The following MYO1F variants were observed in gnomAD, a reference collection of about 807,000 sequenced individuals.
MYO1F encodes the protein unconventional myosin-If.
A neutral mutation model predicts 146.6 loss-of-function variants in MYO1F; 60 were observed. That is an observed-to-expected ratio of 0.41 (90% CI 0.33 to 0.51). The LOEUF (loss-of-function observed/expected upper bound fraction) is 0.51, where lower values mean the gene tolerates loss of function less well. Ranked by LOEUF, MYO1F falls within the 20% of genes least tolerant of loss-of-function variation. MYO1F has a pLI of 0.25. For missense variants in MYO1F, 1,274 were observed against 1,534.3 expected (o/e 0.83, Z 2.83); for synonymous variants, 602 against 602.1 (o/e 1.00, Z 0.00).
Position 8,536,956 on chromosome 19 carries a change from C to G in MYO1F, c.1792G>C (p.Glu598Gln), listed in dbSNP as rs369537745. 1.2e-6 allele frequency: 2 copies of G among 1,612,510 alleles called. No homozygotes were observed. The highest frequency in any genetic ancestry group is 1.1e-5 in the South Asian group (1 of 90,988). The change falls in exon 17 of 28, where the codon GAG (glutamate) becomes CAG (glutamine). Residue 598 changes from glutamate (E) to glutamine (Q), a missense_variant. Around this residue, in one of 2 missense-constraint regions of MYO1F, gnomAD observed 900 missense variants for 1,155.1 expected, o/e 0.78. Coordinates refer to ENST00000644032, the MANE Select transcript of MYO1F (RefSeq NM_012335.4). ...NETKRPRDWE[E>Q]NRVKHQVEYL... ...TTGGTTGGGGGGGATCACCTGTTCT[C>G]CTCCCAGTCTCGGGGCCTCTTGGTC...
At chr19:8,531,277 T>C (rs1187158448) in intron 19 of MYO1F, among the ~76,000 whole-genome samples, 3 of 151,036 alleles carry the variant, frequency 2.0e-5, no homozygotes, top group African/African-American at 7.3e-5. Context: ...AACCTGGGAG[T>C]TGGAGGTTGC....
Position 8,530,693 on chromosome 19 carries a change from GCTAATTTTTTTAA to G in MYO1F, c.2044-133_2044-121del, listed in dbSNP as rs1972451895. ...TTTGCTCACCCATCCCCACACATGT[GCTAATTTTTTTAA>G]GAGGCGGGGTCTTTCTAGTGACACT... is the stretch of plus-strand genomic sequence containing the variant. On this transcript the variant is annotated intron_variant, in intron 19 of 27. Transcript: ENST00000644032. This position sits in a 1 kb window ranked among gnomAD's most constrained non-coding sequence, Gnocchi z 5.8. 1.4e-5 allele frequency: 11 copies of G among 793,286 alleles called. No homozygotes were observed. The highest frequency in any genetic ancestry group is 2.3e-5 in the Non-Finnish European group (11 of 469,412). 49.1% of individuals were successfully genotyped at this position (793,286 alleles called of 1,614,324 possible).
At position 8,541,862 on chromosome 19, in the gene MYO1F, T is replaced by C. The variant is rs1048007368; in HGVS notation, c.1610+44A>G. 11 of 1,557,326 alleles carry C rather than the reference T, an allele frequency of 7.1e-6. No individual in the cohort carries two copies. In the Admixed American group the frequency reaches 8.3e-5, roughly 12 times the overall value. The stretch of plus-strand genomic sequence containing the variant: ...GGGGCCCGGTCCTCCCTCCATCCCC[T>C]TGGGGGGTTGTAGCCGGAGGTCCCC... On this transcript the variant is annotated intron_variant, in intron 15 of 27. Coordinates refer to ENST00000644032, the MANE Select transcript of MYO1F (RefSeq NM_012335.4).
At chr19:8,524,415 T>TTAAA (rs1972180790) in intron 25 of MYO1F, among the ~76,000 whole-genome samples, 1 of 73,144 alleles carries the variant, frequency 1.4e-5, no homozygotes, top group African/African-American at 9.9e-5. Context: ...AGACTCTGTC[T>TTAAA]CAAAAAAAAA....
intron 14 of MYO1F, chr19:8,544,036 CGGTGCTGGTGGTGGTGGTGG>C: frequency 7.4e-6 from 2 of 270,192 alleles, no homozygotes; most frequent in Non-Finnish European, 1.3e-5. Flanking sequence ...GTGGCGGTGG[CGGTGCTGGTGGTGGTGGTGG>C]TGGTGGTGGT....
Position 8,527,399 on chromosome 19 carries a change from G to T in MYO1F, c.2413C>A (p.Gln805Lys), listed in dbSNP as rs1292298106. ...EKVKKGPEKG[Q>K]VCEVLKKKVD... ...TTCTTCTTCAAGACTTCACACACCT[G>T]GCCCTTCTCAGGTCCCTTCTTCACT... Residue 805 changes from glutamine (Q) to lysine (K), a missense_variant, in exon 22 of 28, where the codon CAG (glutamine) becomes AAG (lysine). Transcript: ENST00000644032. 9 of 1,614,110 alleles carry T rather than the reference G, an allele frequency of 5.6e-6. No individual in the cohort carries two copies. Among genetic ancestry groups the T allele is most frequent in the Non-Finnish European group, 6.8e-6 (8 of 1,180,014 alleles).
At chr19:8,543,911 GGTGGTGGTGGTGGTGGTGGTGGTGGT>G (rs1973174946) in intron 14 of MYO1F, among the ~76,000 whole-genome samples, 3 of 123,300 alleles carry the variant, frequency 2.4e-5, no homozygotes, top group African/African-American at 1.1e-4. Flanking sequence ...TGGTGGTGGT[GGTGGTGGTGGTGGTGGTGGTGGTGGT>G]GCTGGTGGTG....
At chr19:8,523,841 C>T (rs1031151095) in intron 25 of MYO1F, among the ~76,000 whole-genome samples, 1 of 152,210 alleles carries the variant, frequency 6.6e-6, no homozygotes, top group African/African-American at 2.4e-5. Flanking sequence ...AATTTTTAGG[C>T]TAGGCGCGGT....
At chr19:8,547,864 A>C in intron 12 of MYO1F, 172 bp downstream of exon 12, 1 of 644,834 alleles carries the variant, frequency 1.6e-6, no homozygotes. Context: ...GTCCTTCCCA[A>C]AGCTTTAGAG....
At chr19:8,575,300 C>T (rs1555733537) in intron 1 of MYO1F, among the ~76,000 whole-genome samples, 1 of 151,842 alleles carries the variant, frequency 6.6e-6, no homozygotes, top group Non-Finnish European at 1.5e-5. Context: ...TCGTTTCTAT[C>T]TCTTGACTTC....
chr19:8,556,019 T>C (rs1479424132), intron 1 of MYO1F, among the ~76,000 whole-genome samples: 1 of 151,610 alleles, frequency 6.6e-6, no homozygotes, highest in African/African-American at 2.4e-5. Context: ...TTTTTTTAAT[T>C]TTTAATTTTT....
chr19:8,553,461 T>C (rs1404139468), intron 4 of MYO1F, 24 bp from the exon 5 acceptor site: 1 of 1,603,860 alleles, frequency 6.2e-7, no homozygotes, highest in Non-Finnish European at 8.5e-7. Context: ...GAGGAATAAA[T>C]GATCAGTGGT....
intron 12 of MYO1F, among the ~76,000 whole-genome samples, chr19:8,546,225 G>C (rs10409154): frequency 0.21 from 31,722 of 151,234 alleles, 6,975 homozygotes; most frequent in African/African-American, 0.55. Context: ...CCACCACGCC[G>C]GACTAATTTT....
At chr19:8,544,725 A>G (rs907086530) in intron 13 of MYO1F, among the ~76,000 whole-genome samples, 2 of 152,104 alleles carry the variant, frequency 1.3e-5, no homozygotes, top group Non-Finnish European at 2.9e-5. Context: ...GGACCCCTCA[A>G]GAGATTCAGG....
At chr19:8,539,096 A>G (rs1972848362) in intron 16 of MYO1F, among the ~76,000 whole-genome samples, 1 of 152,034 alleles carries the variant, frequency 6.6e-6, no homozygotes, top group Non-Finnish European at 1.5e-5. Context: ...CCTGGCCCAC[A>G]TGGTGAAACC....
chr19:8,542,217 G>A (rs1009188456), intron 14 of MYO1F, among the ~76,000 whole-genome samples: 2 of 151,230 alleles, frequency 1.3e-5, no homozygotes, highest in Admixed American at 6.6e-5. Flanking sequence ...TTAGAGGATC[G>A]TGGCTGTATC....
chr19:8,539,206 G>C (rs1399000801), intron 16 of MYO1F, among the ~76,000 whole-genome samples: 1 of 151,990 alleles, frequency 6.6e-6, no homozygotes. Context: ...CCTGAGGTCG[G>C]GAGTTCGAGA....
In MYO1F at chr19:8,526,744, C is replaced by T. The variant is rs896850713; in HGVS notation, c.2621+45G>A. The T allele has an allele frequency of 4.5e-6, 7 of 1,562,340 alleles. No homozygotes were observed. In the African/African-American group the frequency reaches 9.5e-5, roughly 21 times the overall value. On this transcript the variant is annotated intron_variant, in intron 23 of 27. Coordinates refer to ENST00000644032, the MANE Select transcript of MYO1F (RefSeq NM_012335.4). ...CGGTGGGGCGGGAGAGGGTGCGCCGCGCCGAGACCACCCCGAGATGGTGCT... is the reference window on the plus strand; with the variant it reads ...CGGTGGGGCGGGAGAGGGTGCGCCGTGCCGAGACCACCCCGAGATGGTGCT...
At chr19:8,538,097 G>A (rs997472370) in intron 16 of MYO1F, among the ~76,000 whole-genome samples, 49 of 151,036 alleles carry the variant, frequency 3.2e-4, no homozygotes, top group African/African-American at 2.4e-5. Context: ...TCAGCCTTCC[G>A]AGTAGCTGCC....
Sources: gnomAD v4.1 joint callset for allele counts (sites outside exome capture counted in the v4.1 genomes callset) on GRCh38, gnomAD v4.1.1 for gene constraint, gnomAD v4.1.1 regional missense constraint, Gnocchi (gnomAD v3.1) non-coding constraint, MANE v1.5 for transcripts, NCBI Gene and HGNC (gene_info 2026-07-23, HGNC 2026-07-21) for gene names.